Variants in KCTD1 observed in about 807,000 individuals in gnomAD.
KCTD1 encodes the protein potassium channel tetramerization domain containing 1.
Under a neutral mutation model 66.0 loss-of-function variants are expected in KCTD1, and 24 were observed. The observed-to-expected ratio is 0.36, with a 90% confidence interval of 0.26 to 0.51. The LOEUF (loss-of-function observed/expected upper bound fraction) is 0.51. Ranked by LOEUF, KCTD1 falls within the 20% of genes least tolerant of loss-of-function variation. KCTD1 has a pLI of 0.95. For missense variants in KCTD1, 943 were observed against 1,205.2 expected, an observed-to-expected ratio of 0.78 and a Z score of 3.22; for synonymous variants, 511 against 517.2, an observed-to-expected ratio of 0.99 and a Z score of 0.16.
chr18:26,490,855 C>T (rs1275119872), intron 2 of KCTD1, among the ~76,000 whole-genome samples: 11 of 151,854 alleles, frequency 7.2e-5, no homozygotes, highest in Admixed American at 6.6e-4. Flanking sequence ...CGGGCTCAAG[C>T]GATTCTCATG....
At chr18:26,490,749 GTTTAGAGGGCTTTTTTT>G (rs1982152411) in intron 2 of KCTD1, among the ~76,000 whole-genome samples, 1 of 151,660 alleles carries the variant, frequency 6.6e-6, no homozygotes, top group African/African-American at 2.4e-5. Context: ...TAGGGCATAG[GTTTAGAGGGCTTTTTTT>G]TTTAGATAGA....
At chr18:26,507,543 T>C (rs544688267) in intron 1 of KCTD1, among the ~76,000 whole-genome samples, 2 of 151,646 alleles carry the variant, frequency 1.3e-5, no homozygotes, top group Non-Finnish European at 2.9e-5. Flanking sequence ...CTAATTAAAA[T>C]TTTTTTTTCT....
At chr18:26,501,292 A>G in intron 1 of KCTD1, 42 bp from the exon 2 acceptor site, 1 of 1,543,830 alleles carries the variant, frequency 6.5e-7, no homozygotes, top group South Asian at 1.2e-5. Flanking sequence ...TTCTCTTTAC[A>G]GTAGAAAGAT....
chr18:26,616,462 C>CATATATATATAT (rs10639008), intron 1 of KCTD1, among the ~76,000 whole-genome samples: 32 of 147,516 alleles, frequency 2.2e-4, no homozygotes, highest in African/African-American at 7.5e-4. Context: ...CCCTTACATA[C>CATATATATATAT]ATATATATAT....
Position 26,503,327 on chromosome 18 carries a change from CAGTT to C in KCTD1, c.1810-2081_1810-2078del, listed in dbSNP as rs202208529. Among the ~76,000 whole-genome samples the C allele has an allele frequency of 6.8e-3, 1,040 of 152,122 alleles. 7 individuals carry two copies. The highest frequency in any genetic ancestry group is 0.023 in the African/African-American group (975 of 41,508). ...TTGGAAAAAAATAAAAAAAACAAGA[CAGTT>C]GGTAGGAAATATGAAACAGGTAAGG... is the stretch of plus-strand genomic sequence containing the variant. On this transcript the variant is annotated intron_variant, in intron 1 of 4. Transcript: ENST00000580059.
intron 2 of KCTD1, among the ~76,000 whole-genome samples, chr18:26,483,410 AG>A (rs779285354): frequency 2.6e-5 from 4 of 152,240 alleles, no homozygotes; most frequent in South Asian, 4.1e-4. Flanking sequence ...CTGGGATTAC[AG>A]GCACCTGCCA....
At chr18:26,608,552 G>A (rs1987066732) in intron 1 of KCTD1, among the ~76,000 whole-genome samples, 1 of 152,212 alleles carries the variant, frequency 6.6e-6, no homozygotes, top group Non-Finnish European at 1.5e-5. Flanking sequence ...GCCTGGGGGA[G>A]CACAGCAGTC....
chr18:26,593,387 AGAAGAGGAGGAGGAAGAT>A (rs1986665262), intron 1 of KCTD1, among the ~76,000 whole-genome samples: 1 of 44,902 alleles, frequency 2.2e-5, no homozygotes, highest in East Asian at 6.3e-4. Flanking sequence ...AGGAGGAGGA[AGAAGAGGAGGAGGAAGAT>A]GAGGAGGAGA....
At chr18:26,568,097 C>G (rs1986024326) in intron 1 of KCTD1, among the ~76,000 whole-genome samples, 1 of 152,034 alleles carries the variant, frequency 6.6e-6, no homozygotes, top group South Asian at 2.1e-4. Flanking sequence ...CTTAATGAAG[C>G]AAGATTAATA....
intron 2 of KCTD1, among the ~76,000 whole-genome samples, chr18:26,487,352 C>T (rs1981971714): frequency 6.6e-6 from 1 of 152,134 alleles, no homozygotes; most frequent in Non-Finnish European, 1.5e-5. Context: ...GACAAGAATC[C>T]TAATATACAA....
intron 1 of KCTD1, among the ~76,000 whole-genome samples, chr18:26,602,242 T>C (rs1307229317): frequency 6.6e-6 from 1 of 152,330 alleles, no homozygotes; most frequent in African/African-American, 2.4e-5. Flanking sequence ...CTTTATTCTA[T>C]TACTATGGTA....
Position 26,476,821 on chromosome 18 carries a change from C to G in KCTD1, c.1989-162G>C, listed in dbSNP as rs1029425940. 13 of 619,374 alleles carry G rather than the reference C, an allele frequency of 2.1e-5. No individual in the cohort carries two copies. The highest frequency in any genetic ancestry group is 1.0e-4 in the Admixed American group (3 of 30,028). 38.4% of individuals were successfully genotyped at this position (619,374 alleles called of 1,614,324 possible). A position where few individuals can be genotyped will look rare whatever the true frequency, so the allele number is the denominator to read the frequency against. ...GTGTTGGTCCCCGCTTGATAAATATCTCAGGACGAGACCATTCAAAATAGT... is the reference window on the plus strand; with the variant it reads ...GTGTTGGTCCCCGCTTGATAAATATGTCAGGACGAGACCATTCAAAATAGT... On this transcript the variant is annotated intron_variant, in intron 2 of 4. Transcript: ENST00000580059. This position sits in a 1 kb window ranked among gnomAD's most constrained non-coding sequence, Gnocchi z 4.9.
upstream of KCTD1, among the ~76,000 whole-genome samples, chr18:26,643,916 A>G (rs538235602): frequency 3.3e-5 from 5 of 152,014 alleles, no homozygotes; most frequent in Non-Finnish European, 5.9e-5. Context: ...GAGCTGAGAT[A>G]GCACCACTGC....
At chr18:26,463,399 C>A (rs913087890) in intron 3 of KCTD1, among the ~76,000 whole-genome samples, 14 of 151,152 alleles carry the variant, frequency 9.3e-5, no homozygotes, top group Non-Finnish European at 2.1e-4. Flanking sequence ...CCTAGGAGAC[C>A]GAGAAAGACC....
intron 1 of KCTD1, among the ~76,000 whole-genome samples, chr18:26,531,357 C>G (rs1412625579): frequency 1.3e-5 from 2 of 151,768 alleles, no homozygotes; most frequent in African/African-American, 4.8e-5. Flanking sequence ...ATAAAATAAC[C>G]CAAAATCAAT....
At chr18:26,515,089 C>A in intron 1 of KCTD1, among the ~76,000 whole-genome samples, 1 of 152,154 alleles carries the variant, frequency 6.6e-6, no homozygotes, top group East Asian at 1.9e-4. Context: ...AAAATAAAAA[C>A]CAACAAGAGT....
chr18:26,483,167 G>A (rs992609694), intron 2 of KCTD1, among the ~76,000 whole-genome samples: 20 of 152,158 alleles, frequency 1.3e-4, no homozygotes, highest in African/African-American at 3.6e-4. Context: ...AAGTATAGAC[G>A]GTGAAGGAGC....
At chr18:26,645,902 C>T (rs549407954) in intron 1 of KCTD1, among the ~76,000 whole-genome samples, 1 of 152,280 alleles carries the variant, frequency 6.6e-6, no homozygotes, top group Non-Finnish European at 1.5e-5. Context: ...TTTTAACAAG[C>T]TCTGCAGACA....
upstream of KCTD1, among the ~76,000 whole-genome samples, chr18:26,642,105 TA>T (rs1987845076): frequency 6.6e-6 from 1 of 152,190 alleles, no homozygotes; most frequent in African/African-American, 2.4e-5. Context: ...GGCTTGATCT[TA>T]AATCACTGCA....
Sources: allele counts gnomAD v4.1 joint callset (sites outside exome capture counted in the v4.1 genomes callset), GRCh38; gene constraint gnomAD v4.1.1; non-coding constraint Gnocchi (gnomAD v3.1); transcripts MANE v1.5; gene names NCBI Gene and HGNC (gene_info 2026-07-23, HGNC 2026-07-21).